UGGT1: variants seen among roughly 807,000 people sequenced by gnomAD.
UGGT1 encodes UDP-glucose:glycoprotein glucosyltransferase 1.
A neutral mutation model predicts 203.9 loss-of-function variants in UGGT1; 107 were observed. The ratio of observed to expected loss-of-function variants is 0.52; its 90% confidence interval spans 0.45 to 0.62. The LOEUF (loss-of-function observed/expected upper bound fraction) is 0.62, where lower values mean the gene tolerates loss of function less well. UGGT1 is among the 20% of genes least tolerant of loss of function. The pLI, the probability that UGGT1 is intolerant of heterozygous loss-of-function variation, is 0.00. For synonymous variants in UGGT1, 628 were observed against 653.5 expected (o/e 0.96, Z 0.59); for missense variants, 1,673 against 1,867.2 (o/e 0.90, Z 1.92).
chr2:128,121,607 G>A (rs1246801065), intron 10 of UGGT1, among the ~76,000 whole-genome samples: 1 of 151,962 alleles, frequency 6.6e-6, no homozygotes, highest in African/African-American at 2.4e-5. Flanking sequence ...GGGTTTCACT[G>A]TGTTGGCCAG....
chr2:128,109,080 CAG>C (rs1290431855), intron 4 of UGGT1, among the ~76,000 whole-genome samples: 1 of 152,010 alleles, frequency 6.6e-6, no homozygotes, highest in Non-Finnish European at 1.5e-5. Context: ...TTAGTAGAGA[CAG>C]GATTTCGCCG....
chr2:128,181,510 G>A (rs1691686712), intron 36 of UGGT1, among the ~76,000 whole-genome samples: 1 of 152,176 alleles, frequency 6.6e-6, no homozygotes, highest in South Asian at 2.1e-4. Flanking sequence ...TTAGTGAAAG[G>A]GAACATGTGA....
chr2:128,091,296 C>T lies in UGGT1; in HGVS notation c.-62C>T, dbSNP rs924492294. The T allele has an allele frequency of 2.0e-6, 3 of 1,473,702 alleles. No homozygotes were observed. Among genetic ancestry groups the T allele is most frequent in the Non-Finnish European group, 2.7e-6 (3 of 1,107,566 alleles). 91.3% of individuals were successfully genotyped at this position (1,473,702 alleles called of 1,614,324 possible). ...GGCGCAGCCTGCACTGCCGCTGCCG[C>T]CTCGCCCCGCCCTGCCCTGGCGTTG... On this transcript the variant is annotated 5_prime_UTR_variant, in exon 1 of 41. Transcript: ENST00000259253.
chr2:128,109,622 C>G lies in UGGT1; in HGVS notation c.409-12C>G, dbSNP rs199557671. ...GAAATTTAAAAAGTATGTGTTGTGTCTTATGTGACAGATAGCAGCTGATGA... is the reference window on the plus strand; with the variant it reads ...GAAATTTAAAAAGTATGTGTTGTGTGTTATGTGACAGATAGCAGCTGATGA... On this transcript the variant is annotated splice_polypyrimidine_tract_variant and intron_variant, in intron 4 of 40. Transcript: ENST00000259253. 4.3e-4 allele frequency: 691 copies of G among 1,604,744 alleles called. 5 individuals carry two copies. In the African/African-American group the frequency reaches 7.4e-3, roughly 17 times the overall value.
At chr2:128,133,895 TTGGCC>T (rs1689001068) in intron 14 of UGGT1, among the ~76,000 whole-genome samples, 1 of 152,148 alleles carries the variant, frequency 6.6e-6, no homozygotes, top group Non-Finnish European at 1.5e-5. Context: ...GGGTTCTTCA[TTGGCC>T]CACTTTTTCC....
chr2:128,112,792 C>G (rs111374720), intron 5 of UGGT1, among the ~76,000 whole-genome samples: 2 of 151,806 alleles, frequency 1.3e-5, no homozygotes, highest in East Asian at 3.9e-4. Flanking sequence ...CTATGTTGCC[C>G]AGGCTTTGTC....
intron 18 of UGGT1, among the ~76,000 whole-genome samples, chr2:128,147,418 A>G (rs1345830624): frequency 6.6e-6 from 1 of 152,142 alleles, no homozygotes. Context: ...GGTTTCTTTT[A>G]GTTCTTGAAT....
chr2:128,103,198 C>T (rs1387445007), intron 2 of UGGT1: 1 of 454,256 alleles, frequency 2.2e-6, no homozygotes. Flanking sequence ...AAGATCACCA[C>T]TGCATTAGTA....
At chr2:128,173,013 G>T (rs937925498) in intron 29 of UGGT1, among the ~76,000 whole-genome samples, 1 of 152,134 alleles carries the variant, frequency 6.6e-6, no homozygotes, top group Non-Finnish European at 1.5e-5. Flanking sequence ...AGCATCCCCA[G>T]TGAAAGCCCC....
At chr2:128,095,385 C>T (rs1687065748) in intron 1 of UGGT1, among the ~76,000 whole-genome samples, 1 of 150,766 alleles carries the variant, frequency 6.6e-6, no homozygotes, top group Non-Finnish European at 1.5e-5. Context: ...TCCCCTTCCC[C>T]TTCCCCTTCT....
chr2:128,121,133 A>T, intron 9 of UGGT1, 66 bp from the exon 10 acceptor site: 2 of 1,499,670 alleles, frequency 1.3e-6, no homozygotes, highest in Non-Finnish European at 1.9e-6. Context: ...GTAAATTTGG[A>T]TTTTGTTTTC....
At chr2:128,107,256 C>T (rs1228985402) in intron 3 of UGGT1, among the ~76,000 whole-genome samples, 11 of 151,822 alleles carry the variant, frequency 7.2e-5, no homozygotes, top group African/African-American at 2.7e-4. Context: ...TTTCATTTAT[C>T]CTGGGGATTT....
intron 15 of UGGT1, among the ~76,000 whole-genome samples, chr2:128,135,392 C>T (rs1465566703): frequency 1.3e-5 from 2 of 152,208 alleles, no homozygotes; most frequent in East Asian, 3.8e-4. Context: ...CCAAACCTGC[C>T]TACAGGGTAC....
intron 31 of UGGT1, 58 bp from the exon 32 acceptor site, chr2:128,176,756 C>T: frequency 2.0e-6 from 3 of 1,487,978 alleles, no homozygotes; most frequent in Admixed American, 1.7e-5. Context: ...GCTCTGAGAG[C>T]ATTTGCTGCC....
chr2:128,093,983 A>T (rs1268693916), intron 1 of UGGT1, among the ~76,000 whole-genome samples: 1 of 152,152 alleles, frequency 6.6e-6, no homozygotes, highest in Non-Finnish European at 1.5e-5. Context: ...CACCTAATAC[A>T]ATGTTTAGCT....
At chr2:128,107,070 G>A (rs1687641553) in intron 3 of UGGT1, among the ~76,000 whole-genome samples, 1 of 152,070 alleles carries the variant, frequency 6.6e-6, no homozygotes, top group Non-Finnish European at 1.5e-5. Flanking sequence ...GAGAAATCTT[G>A]TTTCTTCCTT....
In UGGT1 at chr2:128,190,565, C is replaced by T. The variant is rs912648734; in HGVS notation, c.*823C>T. ...ATTGTTTTGAAAACAATTTTTGTAT[C>T]TGTGAAAGTCTTTGCTTTTTCTTTC... On this transcript the variant is annotated 3_prime_UTR_variant, in exon 41 of 41. Transcript: ENST00000259253. 1 of 152,184 alleles carries T rather than the reference C, an allele frequency of 6.6e-6. No homozygotes were observed. The highest frequency in any genetic ancestry group is 2.4e-5 in the African/African-American group (1 of 41,460). 9.4% of individuals were successfully genotyped at this position (152,184 alleles called of 1,614,324 possible).
At chr2:128,127,072 A>T (rs190746278) in intron 11 of UGGT1, among the ~76,000 whole-genome samples, 1 of 152,190 alleles carries the variant, frequency 6.6e-6, no homozygotes, top group East Asian at 1.9e-4. Context: ...AAGAAATTCC[A>T]GTTCACAATT....
In UGGT1 at chr2:128,109,857, A is replaced by G; in HGVS notation, c.521+111A>G. ...TTTGTATCATTAGGTGTAATGGTTT[A>G]GAGTATGGCTTCTGGAACCAGACTG... On this transcript the variant is annotated intron_variant, in intron 5 of 40. Coordinates refer to ENST00000259253, the MANE Select transcript of UGGT1 (RefSeq NM_020120.4). 1.7e-5 allele frequency: 14 copies of G among 812,584 alleles called. No homozygotes were observed. The South Asian group carries it at 2.2e-4, about 13-fold the overall frequency. The allele number at this position is 812,584 out of a possible 1,614,324, so 50.3% of individuals were successfully genotyped here.
Sources: allele counts gnomAD v4.1 joint callset (sites outside exome capture counted in the v4.1 genomes callset), GRCh38; gene constraint gnomAD v4.1.1; transcripts MANE v1.5; gene names NCBI Gene and HGNC (gene_info 2026-07-23, HGNC 2026-07-21).